Variants in CD38 observed in about 807,000 individuals in gnomAD.
CD38 encodes ADP-ribosyl cyclase/cyclic ADP-ribose hydrolase 1.
CD38 carries 31 observed loss-of-function variants against 36.3 expected under a neutral mutation model. The observed-to-expected ratio is 0.85, with a 90% CI of 0.64 to 1.15. CD38 has a LOEUF of 1.15. Ranked by LOEUF, CD38 falls within the 50% of genes most tolerant of loss-of-function variation. The pLI is 0.00. For missense variants in CD38, 380 were observed against 371.9 expected (o/e 1.02, Z -0.18); for synonymous variants, 131 against 135.2 (o/e 0.97, Z 0.22).
chr4:15,809,804 T>C (rs975040154), intron 1 of CD38, among the ~76,000 whole-genome samples: 14 of 152,136 alleles, frequency 9.2e-5, no homozygotes, highest in Non-Finnish European at 1.8e-4. Flanking sequence ...TTATTGAACT[T>C]CCAGAAATGA....
rs767639629 is a variant in CD38, at chr4:15,778,493, G to A, written c.79G>A (p.Gly27Ser). Residue 27 changes from glycine to serine, a missense_variant, in exon 1 of 8, where the codon GGC (glycine) becomes AGC (serine). Transcript: ENST00000226279. The surrounding 1 kb of genome is among the most constrained non-coding windows in gnomAD (Gnocchi z 4.9). ...RLSRRAQLCL[G>S]VSILVLILVV... ...CTCTAGGAGAGCCCAACTCTGTCTT[G>A]GCGTCAGTATCCTGGTCCTGATCCT... is the stretch of plus-strand genomic sequence containing the variant. The A allele has an allele frequency of 1.9e-6, 3 of 1,613,898 alleles. No homozygotes were observed. In the Admixed American group the frequency reaches 5.0e-5, roughly 27 times the overall value.
chr4:15,807,795 C>A (rs1257317869), intron 1 of CD38, among the ~76,000 whole-genome samples: 1 of 152,172 alleles, frequency 6.6e-6, no homozygotes, highest in Non-Finnish European at 1.5e-5. Context: ...CTCTAGAATA[C>A]CCTTAGCAGG....
In CD38 at chr4:15,851,854, A is replaced by T. The variant is rs114401064; in HGVS notation, c.*3252A>T. ...CTAACCTACTACACACCCAGGCTAC[A>T]TGGTATCACCTATTCCTCCTAGGCT... On this transcript the variant is annotated 3_prime_UTR_variant, in exon 8 of 8. Coordinates refer to ENST00000226279, the MANE Select transcript of CD38 (RefSeq NM_001775.4). 572 of 152,352 alleles carry T rather than the reference A, an allele frequency of 3.8e-3. 6 individuals are homozygous for T. The highest frequency in any genetic ancestry group is 0.013 in the African/African-American group (530 of 41,570). 9.4% of individuals were successfully genotyped at this position (152,352 alleles called of 1,614,324 possible).
intron 2 of CD38, among the ~76,000 whole-genome samples, chr4:15,824,094 C>G (rs1723796353): frequency 6.6e-6 from 1 of 152,094 alleles, no homozygotes; most frequent in Non-Finnish European, 1.5e-5. Context: ...GGGAGCTGAA[C>G]AGTGAGAACA....
At chr4:15,791,000 T>TGAGG (rs1722967446) in intron 1 of CD38, among the ~76,000 whole-genome samples, 1 of 141,764 alleles carries the variant, frequency 7.1e-6, no homozygotes, top group East Asian at 2.2e-4. Flanking sequence ...GTCTGGGAAG[T>TGAGG]GAGGAGCGTC....
In CD38 at chr4:15,841,402, CTT is replaced by C. The variant is rs568750707; in HGVS notation, c.839+867_839+868del. Among the ~76,000 whole-genome samples, 387 of 152,336 alleles carry C rather than the reference CTT, an allele frequency of 2.5e-3. 3 individuals are homozygous for C. Among genetic ancestry groups the C allele is most frequent in the African/African-American group, 8.9e-3 (370 of 41,562 alleles). ...TAGATTCTGGAGACTCTACTGATGG[CTT>C]TTGTTTCCCAAATGACCTGAATTCC... On this transcript the variant is annotated intron_variant, in intron 7 of 7. Transcript: ENST00000226279.
chr4:15,832,669 C>T (rs929647097), intron 3 of CD38, among the ~76,000 whole-genome samples: 1 of 152,176 alleles, frequency 6.6e-6, no homozygotes, highest in Non-Finnish European at 1.5e-5. Flanking sequence ...TAGGACTTTG[C>T]TGGGTAAGAC....
chr4:15,805,342 G>A (rs919199062), intron 1 of CD38, among the ~76,000 whole-genome samples: 2 of 148,628 alleles, frequency 1.3e-5, no homozygotes, highest in Non-Finnish European at 3.0e-5. Flanking sequence ...CTAAGTCCTC[G>A]CTTCCTTCAA....
At chr4:15,842,173 G>A (rs1335735731) in intron 7 of CD38, among the ~76,000 whole-genome samples, 1 of 97,988 alleles carries the variant, frequency 1.0e-5, no homozygotes, top group Non-Finnish European at 1.9e-5. Context: ...TGACAGCTTT[G>A]AAGAGAGCAG....
chr4:15,838,917 G>A (rs1271550380), intron 5 of CD38, among the ~76,000 whole-genome samples: 1 of 152,246 alleles, frequency 6.6e-6, no homozygotes, highest in East Asian at 1.9e-4. Flanking sequence ...GCTGATCCTT[G>A]CCACTGAATC....
intron 1 of CD38, among the ~76,000 whole-genome samples, chr4:15,812,113 A>G (rs1723487881): frequency 6.6e-6 from 1 of 152,204 alleles, no homozygotes; most frequent in Non-Finnish European, 1.5e-5. Context: ...ATAACTTGAC[A>G]TACTATTATC....
chr4:15,821,781 C>T (rs1484789126), intron 2 of CD38, among the ~76,000 whole-genome samples: 1 of 150,526 alleles, frequency 6.6e-6, no homozygotes, highest in East Asian at 1.9e-4. Flanking sequence ...ACCCTTTCTT[C>T]TGAAACTGTT....
intron 1 of CD38, among the ~76,000 whole-genome samples, chr4:15,810,749 C>T (rs933352538): frequency 1.3e-5 from 2 of 152,188 alleles, no homozygotes; most frequent in Non-Finnish European, 2.9e-5. Context: ...CGCTGTTGAA[C>T]TCTTCACATT....
At chr4:15,801,079 A>G (rs1723213164) in intron 1 of CD38, among the ~76,000 whole-genome samples, 1 of 152,034 alleles carries the variant, frequency 6.6e-6, no homozygotes, top group Non-Finnish European at 1.5e-5. Flanking sequence ...GGGAAGAACC[A>G]AATAAATGAA....
intron 1 of CD38, among the ~76,000 whole-genome samples, chr4:15,796,737 A>AT (rs1301242797): frequency 6.6e-6 from 1 of 152,012 alleles, no homozygotes; most frequent in Non-Finnish European, 1.5e-5. Context: ...ATATCCATAT[A>AT]TTTTTCCACA....
At chr4:15,780,885 G>C (rs1047296723) in intron 1 of CD38, among the ~76,000 whole-genome samples, 75 of 152,142 alleles carry the variant, frequency 4.9e-4, no homozygotes, top group African/African-American at 1.8e-3. Context: ...CAGGCAGGTG[G>C]ATCACTTAAG....
chr4:15,794,914 G>A (rs1400327419), intron 1 of CD38, among the ~76,000 whole-genome samples: 1 of 152,180 alleles, frequency 6.6e-6, no homozygotes, highest in Admixed American at 6.5e-5. Context: ...AAATTCTCAG[G>A]TGTGCAAAAG....
In CD38 at chr4:15,778,716, G is replaced by A; in HGVS notation, c.233+69G>A. ...GCAGGGCCCCGCGCGCAGGGAAGCC[G>A]CCCGGATCGCCCGGAACCGGGCATC... On this transcript the variant is annotated intron_variant, in intron 1 of 7. Coordinates refer to ENST00000226279, the MANE Select transcript of CD38 (RefSeq NM_001775.4). The surrounding 1 kb of genome is among the most constrained non-coding windows in gnomAD (Gnocchi z 4.9). 1.9e-6 allele frequency: 2 copies of A among 1,076,418 alleles called. No homozygotes were observed. The highest frequency in any genetic ancestry group is 2.7e-6 in the Non-Finnish European group (2 of 727,560). 66.7% of individuals were successfully genotyped at this position (1,076,418 alleles called of 1,614,324 possible).
Position 15,784,925 on chromosome 4 carries a change from G to A in CD38, c.233+6278G>A, listed in dbSNP as rs760980347. Among the ~76,000 whole-genome samples the A allele has an allele frequency of 5.3e-5, 8 of 152,146 alleles. No individual in the cohort carries two copies. In the South Asian group the frequency reaches 8.3e-4, roughly 16 times the overall value. ...ACAAAAATTAGCCGGGTGTGGTTGC[G>A]TGCACCTGTAGTCCCAGCTACTCAG... On this transcript the variant is annotated intron_variant, in intron 1 of 7. Transcript: ENST00000226279.
Sources: gnomAD v4.1 joint callset for allele counts (sites outside exome capture counted in the v4.1 genomes callset) on GRCh38, gnomAD v4.1.1 for gene constraint, Gnocchi (gnomAD v3.1) non-coding constraint, MANE v1.5 for transcripts, NCBI Gene and HGNC (gene_info 2026-07-23, HGNC 2026-07-21) for gene names.